The following CCSER1 variants were observed in gnomAD, a reference collection of about 807,000 sequenced individuals.
The protein encoded by CCSER1 is serine-rich coiled-coil domain-containing protein 1.
In CCSER1, 41 loss-of-function variants were observed where a neutral mutation model predicts 82.0. The ratio of observed to expected loss-of-function variants is 0.50; its 90% CI spans 0.39 to 0.65. CCSER1 has a LOEUF of 0.65. Ranked by LOEUF, CCSER1 falls within the 30% of genes least tolerant of loss-of-function variation. The pLI, the probability that CCSER1 is intolerant of heterozygous loss-of-function variation, is 0.00. For missense variants in CCSER1, 1,119 were observed against 1,064.2 expected (o/e 1.05, Z -0.72); for synonymous variants, 414 against 383.9 (o/e 1.08, Z -0.92).
chr4:90,212,314 G>C (rs2153415176), intron 1 of CCSER1, among the ~76,000 whole-genome samples: 1 of 152,112 alleles, frequency 6.6e-6, no homozygotes, highest in South Asian at 2.1e-4. Flanking sequence ...ATGTATGATG[G>C]AAACTAATGC....
chr4:90,195,068 TCATATTTCAATAA>T (rs1315391438), intron 1 of CCSER1, among the ~76,000 whole-genome samples: 1 of 152,120 alleles, frequency 6.6e-6, no homozygotes, highest in African/African-American at 2.4e-5. Flanking sequence ...GACATTCCTG[TCATATTTCAATAA>T]AAGGGAAGCT....
At chr4:90,800,640 C>T (rs1756678996) in intron 7 of CCSER1, among the ~76,000 whole-genome samples, 1 of 152,146 alleles carries the variant, frequency 6.6e-6, no homozygotes, top group Non-Finnish European at 1.5e-5. Context: ...CACTTGTTGA[C>T]TGTTTCTGTT....
intron 3 of CCSER1, among the ~76,000 whole-genome samples, chr4:90,331,989 T>C (rs1025790015): frequency 3.9e-5 from 6 of 152,130 alleles, no homozygotes; most frequent in African/African-American, 1.4e-4. Flanking sequence ...CCCCTTTTTC[T>C]GCCTCTTCTT....
Position 91,556,949 on chromosome 4 carries a change from G to A in CCSER1, c.2218-41623G>A, listed in dbSNP as rs114315886. Among the ~76,000 whole-genome samples, 656 of 151,060 alleles carry A rather than the reference G, an allele frequency of 4.3e-3. 24 individuals are homozygous for A. The highest frequency in any genetic ancestry group is 0.015 in the African/African-American group (626 of 41,216). On this transcript the variant is annotated intron_variant, in intron 10 of 10. Coordinates refer to ENST00000509176, the MANE Select transcript of CCSER1 (RefSeq NM_001145065.2). ...TAGAGAGGCCATTTTTTAGTTTTTGGTGAATCTTCTTATACATATTTTCAA... is the reference window on the plus strand; with the variant it reads ...TAGAGAGGCCATTTTTTAGTTTTTGATGAATCTTCTTATACATATTTTCAA...
intron 5 of CCSER1, among the ~76,000 whole-genome samples, chr4:90,590,206 A>G (rs1322138270): frequency 1.3e-5 from 2 of 152,076 alleles, no homozygotes. Context: ...ACCAGGAGAA[A>G]GAGGTTGCAC....
At chr4:91,348,583 T>A (rs548716254) in intron 10 of CCSER1, among the ~76,000 whole-genome samples, 2 of 152,204 alleles carry the variant, frequency 1.3e-5, no homozygotes, top group Non-Finnish European at 2.9e-5. Flanking sequence ...AGAATTCATC[T>A]GAGCTTGGTG....
chr4:90,860,537 C>T (rs549880636), intron 8 of CCSER1, among the ~76,000 whole-genome samples: 7 of 151,500 alleles, frequency 4.6e-5, no homozygotes, highest in African/African-American at 1.4e-4. Context: ...CGGTCTATAC[C>T]CAAGATAAGT....
intron 1 of CCSER1, among the ~76,000 whole-genome samples, chr4:90,153,181 C>T (rs917564069): frequency 9.9e-5 from 15 of 151,680 alleles, no homozygotes; most frequent in African/African-American, 3.6e-4. Context: ...TGATGATTTC[C>T]AATTTCATCC....
chr4:90,699,721 T>C (rs1482257066), intron 6 of CCSER1, among the ~76,000 whole-genome samples: 1 of 152,200 alleles, frequency 6.6e-6, no homozygotes, highest in African/African-American at 2.4e-5. Context: ...TCTGCCATAA[T>C]CTGTATGTTT....
intron 10 of CCSER1, among the ~76,000 whole-genome samples, chr4:91,159,229 A>G (rs911211393): frequency 2.2e-4 from 33 of 152,078 alleles, no homozygotes; most frequent in African/African-American, 7.7e-4. Flanking sequence ...TCTGATTAGA[A>G]TGAGTCCTCT....
intron 10 of CCSER1, among the ~76,000 whole-genome samples, chr4:91,336,450 T>G (rs909549828): frequency 2.0e-5 from 3 of 152,134 alleles, no homozygotes; most frequent in Admixed American, 2.0e-4. Flanking sequence ...TTTGCTACGC[T>G]ATGCCTTTCC....
intron 10 of CCSER1, among the ~76,000 whole-genome samples, chr4:91,569,361 G>A (rs1763052108): frequency 6.6e-6 from 1 of 152,162 alleles, no homozygotes; most frequent in Admixed American, 6.5e-5. Flanking sequence ...CAACTTGGAG[G>A]TAGAAGAGGA....
intron 9 of CCSER1, among the ~76,000 whole-genome samples, chr4:90,955,232 C>T (rs1183542345): frequency 6.6e-6 from 1 of 152,150 alleles, no homozygotes; most frequent in African/African-American, 2.4e-5. Context: ...ACTCAGTAAA[C>T]ACCCTATGAA....
chr4:91,476,430 G>A (rs1416839524), intron 10 of CCSER1, among the ~76,000 whole-genome samples: 1 of 151,588 alleles, frequency 6.6e-6, no homozygotes. Context: ...CAATTTGTGT[G>A]TCTTGGAAGA....
chr4:90,265,641 C>T (rs771138454), intron 1 of CCSER1, among the ~76,000 whole-genome samples: 10 of 151,866 alleles, frequency 6.6e-5, no homozygotes, highest in Admixed American at 1.3e-4. Flanking sequence ...CAAAATAAAA[C>T]GTATTGTTCT....
intron 9 of CCSER1, among the ~76,000 whole-genome samples, chr4:91,073,712 A>G (rs1480530063): frequency 2.6e-5 from 4 of 152,150 alleles, no homozygotes; most frequent in Admixed American, 6.5e-5. Flanking sequence ...CTGTGTTCAA[A>G]GTTTTTTGGA....
intron 1 of CCSER1, among the ~76,000 whole-genome samples, chr4:90,281,422 G>A (rs1578935541): frequency 6.6e-6 from 1 of 151,936 alleles, no homozygotes; most frequent in South Asian, 2.1e-4. Context: ...AATATGTACA[G>A]CAAACCCCCA....
intron 7 of CCSER1, among the ~76,000 whole-genome samples, chr4:90,756,501 T>C (rs9762155): frequency 1.3e-5 from 2 of 152,122 alleles, no homozygotes; most frequent in African/African-American, 4.8e-5. Flanking sequence ...AGTAAGAAAG[T>C]CTTTCTTCGG....
intron 9 of CCSER1, among the ~76,000 whole-genome samples, chr4:91,058,309 T>C (rs10446699): frequency 0.21 from 31,705 of 151,868 alleles, 3,731 homozygotes; most frequent in African/African-American, 0.32. Flanking sequence ...ACTATGCAGC[T>C]TTAAAAAACA....
Sources: gnomAD v4.1 joint callset for allele counts (sites outside exome capture counted in the v4.1 genomes callset) on GRCh38, gnomAD v4.1.1 for gene constraint, MANE v1.5 for transcripts, NCBI Gene and HGNC (gene_info 2026-07-23, HGNC 2026-07-21) for gene names.